The following GSK3B variants were observed in gnomAD, a reference collection of about 807,000 sequenced individuals.
The protein encoded by GSK3B is glycogen synthase kinase 3 beta.
GSK3B carries 15 observed loss-of-function variants against 56.4 expected under a neutral mutation model. The ratio of observed to expected loss-of-function variants is 0.27; its 90% CI spans 0.18 to 0.41. GSK3B has a LOEUF of 0.41. Among genes scored for constraint, GSK3B ranks in the 10% least tolerant of loss-of-function variants. GSK3B has a pLI of 1.00. For missense variants in GSK3B, 300 were observed against 513.4 expected, an observed-to-expected ratio of 0.58 and a Z score of 4.02; for synonymous variants, 181 against 188.9, an observed-to-expected ratio of 0.96 and a Z score of 0.34.
At chr3:120,057,598 T>C (rs1400251693) in intron 1 of GSK3B, among the ~76,000 whole-genome samples, 2 of 152,180 alleles carry the variant, frequency 1.3e-5, no homozygotes, top group African/African-American at 2.4e-5. Context: ...TGTGGAAAGA[T>C]AGATATATAT....
chr3:119,848,053 T>G (rs2055879930), intron 9 of GSK3B, among the ~76,000 whole-genome samples: 1 of 152,210 alleles, frequency 6.6e-6, no homozygotes, highest in South Asian at 2.1e-4. Context: ...AAGATTATTT[T>G]TGTTACTTTT....
intron 2 of GSK3B, among the ~76,000 whole-genome samples, chr3:119,971,598 A>G (rs915459978): frequency 3.3e-5 from 4 of 122,372 alleles, no homozygotes; most frequent in Non-Finnish European, 6.4e-5. Flanking sequence ...ACTATTTGCA[A>G]TAATTTTTTT....
At chr3:119,832,351 G>C (rs1172696638) in intron 10 of GSK3B, among the ~76,000 whole-genome samples, 2 of 152,226 alleles carry the variant, frequency 1.3e-5, no homozygotes, top group Non-Finnish European at 2.9e-5. Context: ...CTAATGTTTT[G>C]ACTATGTCAT....
At chr3:120,087,320 C>T (rs2058471459) in intron 1 of GSK3B, among the ~76,000 whole-genome samples, 1 of 152,156 alleles carries the variant, frequency 6.6e-6, no homozygotes. Context: ...ATCACAAGGT[C>T]AGGATTTTGA....
intron 2 of GSK3B, among the ~76,000 whole-genome samples, chr3:119,980,633 C>T (rs1161630247): frequency 6.6e-6 from 1 of 152,156 alleles, no homozygotes; most frequent in Non-Finnish European, 1.5e-5. Flanking sequence ...GCATTACAGG[C>T]GTGAGACACC....
At chr3:119,970,212 TG>T (rs1306433318) in intron 2 of GSK3B, among the ~76,000 whole-genome samples, 8 of 152,176 alleles carry the variant, frequency 5.3e-5, no homozygotes, top group Non-Finnish European at 1.2e-4. Flanking sequence ...TGGAATTCAC[TG>T]GGAGTCTTGG....
Position 119,923,429 on chromosome 3 carries a change from T to C in GSK3B, c.421A>G (p.Arg141Gly). 6.2e-7 allele frequency: 1 copy of C among 1,605,438 alleles called. No individual in the cohort carries two copies. The highest frequency in any genetic ancestry group is 8.5e-7 in the Non-Finnish European group (1 of 1,173,262). ...VLDYVPETVY[R>G]VARHYSRAKQ... ...GCTCGACTATAGTGTCTGGCAACTC[T>C]GTATACTGTTTCCGGAACATAGTCC... The change falls in exon 4 of 11, where the codon AGA (arginine) becomes GGA (glycine). Residue 141 changes from arginine (R) to glycine (G), a missense_variant. Physicochemically the swap from Arg to Gly is moderately radical, Grantham distance 125 (BLOSUM62 -2). This residue lies in a region of GSK3B where 62 missense variants were observed against 84.0 expected (regional missense o/e 0.74). Coordinates refer to ENST00000264235, the MANE Select transcript of GSK3B (RefSeq NM_001146156.2).
chr3:119,956,996 G>A (rs1351952434), intron 2 of GSK3B, among the ~76,000 whole-genome samples: 2 of 152,144 alleles, frequency 1.3e-5, no homozygotes, highest in Non-Finnish European at 2.9e-5. Context: ...AAGAATTAAC[G>A]TGGCTGTTTG....
At chr3:119,927,314 A>G (rs1256398559) in intron 3 of GSK3B, among the ~76,000 whole-genome samples, 1 of 152,182 alleles carries the variant, frequency 6.6e-6, no homozygotes. Flanking sequence ...GAAAATGGGT[A>G]TGGAGAGGAG....
chr3:119,929,443 A>G (rs545933283), intron 3 of GSK3B, among the ~76,000 whole-genome samples: 38 of 152,314 alleles, frequency 2.5e-4, no homozygotes, highest in African/African-American at 9.1e-4. Context: ...AATTTACTTC[A>G]TTTGCTAAAC....
At chr3:119,910,755 C>T (rs143535664) in intron 6 of GSK3B, among the ~76,000 whole-genome samples, 1 of 152,166 alleles carries the variant, frequency 6.6e-6, no homozygotes, top group Non-Finnish European at 1.5e-5. Flanking sequence ...TCCTCTCAAC[C>T]CCTGCTGCTG....
intron 2 of GSK3B, among the ~76,000 whole-genome samples, chr3:119,991,858 A>G (rs2057569805): frequency 6.6e-6 from 1 of 152,116 alleles, no homozygotes. Context: ...TAACATGTAG[A>G]ATAAAAAACA....
intron 1 of GSK3B, among the ~76,000 whole-genome samples, chr3:120,031,238 A>C (rs990491334): frequency 1.3e-5 from 2 of 152,256 alleles, no homozygotes; most frequent in Admixed American, 6.5e-5. Context: ...GTAAGAGGCA[A>C]ACTAATTTAG....
intron 7 of GSK3B, 63 bp downstream of exon 7, chr3:119,905,692 A>G (rs1205096040): frequency 5.5e-6 from 5 of 907,300 alleles, no homozygotes; most frequent in South Asian, 1.3e-5. Context: ...CATGTGTGAT[A>G]TATATTATTA....
chr3:119,837,321 ATT>A (rs58821918), intron 10 of GSK3B, among the ~76,000 whole-genome samples: 276 of 130,204 alleles, frequency 2.1e-3, no homozygotes, highest in Admixed American at 3.3e-3. Flanking sequence ...CGCCCGGCTA[ATT>A]TTTTTTTTTT....
intron 2 of GSK3B, among the ~76,000 whole-genome samples, chr3:119,977,774 G>A (rs1326439493): frequency 6.6e-6 from 1 of 152,048 alleles, no homozygotes; most frequent in African/African-American, 2.4e-5. Context: ...AAAACCAATA[G>A]GGGGAAAAAA....
chr3:119,842,976 C>T (rs556672041), intron 10 of GSK3B, among the ~76,000 whole-genome samples: 11 of 151,686 alleles, frequency 7.3e-5, no homozygotes, highest in Admixed American at 1.3e-4. Flanking sequence ...AGTGCAGTGG[C>T]GCAATCTCGG....
chr3:120,029,688 G>A, intron 1 of GSK3B: 1 of 532,902 alleles, frequency 1.9e-6, no homozygotes, highest in Non-Finnish European at 3.7e-6. Flanking sequence ...CATGGATACA[G>A]CAGAAATCTT....
intron 2 of GSK3B, among the ~76,000 whole-genome samples, chr3:119,974,561 A>C (rs2057394508): frequency 6.6e-6 from 1 of 152,204 alleles, no homozygotes; most frequent in African/African-American, 2.4e-5. Flanking sequence ...TCTGCCAGTG[A>C]TCTTACACTT....
Sources: allele counts gnomAD v4.1 joint callset (sites outside exome capture counted in the v4.1 genomes callset), GRCh38; gene constraint gnomAD v4.1.1; regional missense constraint gnomAD v4.1.1; transcripts MANE v1.5; gene names NCBI Gene and HGNC (gene_info 2026-07-23, HGNC 2026-07-21).